Variants in RBFOX1 observed in about 807,000 individuals in gnomAD.
RBFOX1 encodes RNA binding protein fox-1 homolog 1.
In RBFOX1, 8 loss-of-function variants were observed where a neutral mutation model predicts 57.7. That is an observed-to-expected ratio of 0.14 (90% confidence interval 0.08 to 0.25). The LOEUF is 0.25. Ranked by LOEUF, RBFOX1 falls within the 10% of genes least tolerant of loss-of-function variation. The pLI, the probability that RBFOX1 is intolerant of heterozygous loss-of-function variation, is 1.00. For missense variants in RBFOX1, 611 were observed against 548.5 expected, an observed-to-expected ratio of 1.11 and a Z score of -1.14; for synonymous variants, 326 against 222.4, an observed-to-expected ratio of 1.47 and a Z score of -4.15.
chr16:7,085,421 G>A (rs1025415432), intron 4 of RBFOX1, among the ~76,000 whole-genome samples: 6 of 152,100 alleles, frequency 3.9e-5, no homozygotes, highest in Admixed American at 3.9e-4. Context: ...TGGCAAATAA[G>A]TTATGTTTCA....
At chr16:6,837,533 T>A (rs1741150752) in intron 3 of RBFOX1, among the ~76,000 whole-genome samples, 2 of 152,176 alleles carry the variant, frequency 1.3e-5, no homozygotes, top group South Asian at 4.1e-4. Flanking sequence ...TTGGGAAGAC[T>A]ATAATAAAAA....
chr16:6,263,629 GGAGCTTA>G (rs2097715215), intron 1 of RBFOX1, among the ~76,000 whole-genome samples: 2 of 152,072 alleles, frequency 1.3e-5, no homozygotes, highest in African/African-American at 2.4e-5. Flanking sequence ...CTCCTTCCTT[GGAGCTTA>G]GAGCTTCTGC....
intron 3 of RBFOX1, among the ~76,000 whole-genome samples, chr16:6,658,935 T>TG: frequency 1.5e-5 from 2 of 134,316 alleles, no homozygotes; most frequent in East Asian, 2.4e-4. Flanking sequence ...TTGGTTTTTT[T>TG]GTTTTTTTTG....
intron 3 of RBFOX1, chr16:5,616,023 G>A (rs1221485557): frequency 6.6e-6 from 1 of 152,540 alleles, no homozygotes; most frequent in African/African-American, 2.4e-5. Context: ...GTCAAGATCA[G>A]ATCTGAACCC....
chr16:6,428,067 G>A (rs915218878), intron 2 of RBFOX1, among the ~76,000 whole-genome samples: 10 of 152,168 alleles, frequency 6.6e-5, no homozygotes, highest in South Asian at 4.1e-4. Context: ...CAAATCACTT[G>A]AGCCTGGGAG....
chr16:6,930,492 C>G (rs866560702), intron 3 of RBFOX1, among the ~76,000 whole-genome samples: 2 of 151,296 alleles, frequency 1.3e-5, no homozygotes, highest in Non-Finnish European at 2.9e-5. Flanking sequence ...TCACTACAAC[C>G]TCTGCCTTCT....
chr16:7,073,139 G>T (rs781553788), intron 4 of RBFOX1, among the ~76,000 whole-genome samples: 2 of 152,174 alleles, frequency 1.3e-5, no homozygotes, highest in Admixed American at 6.5e-5. Flanking sequence ...TAGGGCAAGG[G>T]TCAGCAAATT....
Position 5,731,623 on chromosome 16 carries a change from C to G in RBFOX1, c.318+132662C>G, listed in dbSNP as rs112689131. Among the ~76,000 whole-genome samples the G allele has an allele frequency of 3.9e-3, 599 of 152,198 alleles. 4 individuals are homozygous for G. Among genetic ancestry groups the G allele is most frequent in the African/African-American group, 0.012 (509 of 41,510 alleles). ...TGTGGGCATGAACTATGTAATCTCT[C>G]TTAGAGGCAAGGTGATATTTTTTCA... On this transcript the variant is annotated intron_variant, in intron 3 of 19. Coordinates refer to the RBFOX1 transcript ENST00000641259.
intron 2 of RBFOX1, among the ~76,000 whole-genome samples, chr16:6,594,651 T>C (rs1323713148): frequency 6.6e-6 from 1 of 151,938 alleles, no homozygotes; most frequent in African/African-American, 2.4e-5. Flanking sequence ...ATGTTCAGGT[T>C]GTGGATTGTA....
chr16:7,491,977 T>C (rs1204404662), intron 4 of RBFOX1, among the ~76,000 whole-genome samples: 1 of 152,188 alleles, frequency 6.6e-6, no homozygotes, highest in Non-Finnish European at 1.5e-5. Context: ...TCTATGTTCC[T>C]AACGCCTAGG....
At chr16:7,299,130 C>A (rs1028354508) in intron 4 of RBFOX1, among the ~76,000 whole-genome samples, 1 of 152,134 alleles carries the variant, frequency 6.6e-6, no homozygotes, top group South Asian at 2.1e-4. Flanking sequence ...AATATCATCT[C>A]CAGGACTGTA....
rs1274051760 is a variant in RBFOX1 at position 6,175,382 on chromosome 16, G to A, written c.-126-141613G>A. Among the ~76,000 whole-genome samples the A allele has an allele frequency of 3.9e-5, 6 of 152,272 alleles. No homozygotes were observed. The South Asian group carries it at 1.0e-3, about 26-fold the overall frequency. The stretch of plus-strand genomic sequence containing the variant: ...GAAATTTCTTCTCCTGGAGATTTAT[G>A]ATGCGCATTAGTATGTTAACATTAC... On this transcript the variant is annotated intron_variant, in intron 1 of 15. Transcript: ENST00000550418.
At chr16:6,910,348 C>T (rs1363929949) in intron 3 of RBFOX1, among the ~76,000 whole-genome samples, 2 of 152,174 alleles carry the variant, frequency 1.3e-5, no homozygotes, top group Admixed American at 1.3e-4. Flanking sequence ...CACTCCCCGT[C>T]TCCACACCCA....
chr16:6,426,593 T>G (rs1309605614), intron 2 of RBFOX1, among the ~76,000 whole-genome samples: 4 of 152,034 alleles, frequency 2.6e-5, no homozygotes, highest in Non-Finnish European at 5.9e-5. Flanking sequence ...ATTGTCCCAG[T>G]GCACTCCAGC....
chr16:6,581,563 C>G (rs549422412), intron 2 of RBFOX1, among the ~76,000 whole-genome samples: 3 of 152,270 alleles, frequency 2.0e-5, no homozygotes, highest in African/African-American at 7.2e-5. Flanking sequence ...GGGATGGCCC[C>G]TTCCTGGGCA....
chr16:7,106,337 T>G (rs767073984), intron 4 of RBFOX1, among the ~76,000 whole-genome samples: 8 of 152,192 alleles, frequency 5.3e-5, no homozygotes, highest in Non-Finnish European at 7.3e-5. Flanking sequence ...TTTGTTTAAT[T>G]AAATGGTGAA....
intron 3 of RBFOX1, among the ~76,000 whole-genome samples, chr16:6,738,461 C>G (rs149887090): frequency 6.6e-6 from 1 of 151,824 alleles, no homozygotes; most frequent in African/African-American, 2.4e-5. Flanking sequence ...GTGTATGTAT[C>G]GAATAAAAGA....
At chr16:5,919,193 C>G (rs2058767580) in intron 4 of RBFOX1, among the ~76,000 whole-genome samples, 1 of 152,156 alleles carries the variant, frequency 6.6e-6, no homozygotes, top group African/African-American at 2.4e-5. Flanking sequence ...CAGTGAAGGT[C>G]AGGCTGACCA....
chr16:6,849,782 A>C (rs756977314), intron 3 of RBFOX1, among the ~76,000 whole-genome samples: 2 of 152,184 alleles, frequency 1.3e-5, no homozygotes, highest in Non-Finnish European at 2.9e-5. Context: ...CATCTCCTCC[A>C]AGAAGCCACC....
Sources: gnomAD v4.1 joint callset for allele counts (sites outside exome capture counted in the v4.1 genomes callset) on GRCh38, gnomAD v4.1.1 for gene constraint, MANE v1.5 for transcripts, NCBI Gene and HGNC (gene_info 2026-07-23, HGNC 2026-07-21) for gene names.